The following PREX2 variants were observed in gnomAD, a reference collection of about 807,000 sequenced individuals.
PREX2 encodes phosphatidylinositol 3,4,5-trisphosphate-dependent Rac exchanger 2 protein.
PREX2 carries 107 observed loss-of-function variants against 203.2 expected under a neutral mutation model. The ratio of observed to expected loss-of-function variants is 0.53; its 90% confidence interval spans 0.45 to 0.62. The LOEUF (loss-of-function observed/expected upper bound fraction) is 0.62, where lower values mean the gene tolerates loss of function less well. Among genes scored for constraint, PREX2 ranks in the 20% least tolerant of loss-of-function variants. The pLI is 0.00. For missense variants in PREX2, 1,777 were observed against 1,955.9 expected, an observed-to-expected ratio of 0.91 and a Z score of 1.72; for synonymous variants, 672 against 663.6, an observed-to-expected ratio of 1.01 and a Z score of -0.19.
chr8:68,168,309 A>G (rs1415512569), intron 35 of PREX2, among the ~76,000 whole-genome samples: 2 of 152,146 alleles, frequency 1.3e-5, no homozygotes, highest in Non-Finnish European at 2.9e-5. Context: ...TACCAGTCAC[A>G]CTCCTGTGGA....
chr8:67,982,209 A>G (rs558990938), intron 1 of PREX2, among the ~76,000 whole-genome samples: 2 of 152,268 alleles, frequency 1.3e-5, no homozygotes, highest in South Asian at 2.1e-4. Context: ...AGGATCACTG[A>G]GGCCAGGAGT....
At chr8:68,028,622 C>CA (rs1302356324) in intron 5 of PREX2, among the ~76,000 whole-genome samples, 2 of 151,996 alleles carry the variant, frequency 1.3e-5, no homozygotes, top group African/African-American at 4.8e-5. Context: ...GAGAGGCTGA[C>CA]ACAGGAGTCC....
chr8:68,049,917 T>C (rs1454563545), intron 8 of PREX2, among the ~76,000 whole-genome samples: 2 of 152,068 alleles, frequency 1.3e-5, no homozygotes, highest in Admixed American at 1.3e-4. Flanking sequence ...CTATTATATG[T>C]CACTGTATCT....
intron 38 of PREX2, 77 bp downstream of exon 38, chr8:68,217,795 GT>G: frequency 1.0e-6 from 1 of 987,458 alleles, no homozygotes. Flanking sequence ...TTTATCAGGG[GT>G]TTGACAGGTG....
At chr8:68,109,931 T>C (rs2129612842) in intron 25 of PREX2, among the ~76,000 whole-genome samples, 1 of 152,308 alleles carries the variant, frequency 6.6e-6, no homozygotes, top group Admixed American at 6.5e-5. Flanking sequence ...GAATACCAGT[T>C]TTGTATGAGG....
At chr8:67,996,780 T>C (rs1202734111) in intron 1 of PREX2, among the ~76,000 whole-genome samples, 1 of 152,160 alleles carries the variant, frequency 6.6e-6, no homozygotes, top group Non-Finnish European at 1.5e-5. Context: ...CTTATACATA[T>C]ATGTCTATTG....
At chr8:68,017,196 C>A (rs1807431470) in intron 1 of PREX2, among the ~76,000 whole-genome samples, 1 of 151,996 alleles carries the variant, frequency 6.6e-6, no homozygotes, top group South Asian at 2.1e-4. Context: ...GAGTCCAAAT[C>A]TTTGAATTAC....
chr8:68,138,496 G>A lies in PREX2; in HGVS notation c.4066G>A (p.Glu1356Lys). 1 of 1,595,042 alleles carries A rather than the reference G, an allele frequency of 6.3e-7. No individual in the cohort carries two copies. Among genetic ancestry groups the A allele is most frequent in the South Asian group, 1.1e-5 (1 of 88,122 alleles). ...EKVSFYFKPS[E>K]EEPLVANVPL... ...GGTTTCCTTTTACTTTAAACCATCA[G>A]AAGAGGAACCTCTGGTTGCAAGTAA... is the stretch of plus-strand genomic sequence containing the variant. Residue 1356 changes from glutamate to lysine, a missense_variant, in exon 33 of 40, where the codon GAA (glutamate) becomes AAA (lysine). Transcript: ENST00000288368.
chr8:68,145,332 T>A (rs1005767427), intron 33 of PREX2, among the ~76,000 whole-genome samples: 11 of 152,254 alleles, frequency 7.2e-5, no homozygotes, highest in African/African-American at 2.6e-4. Flanking sequence ...ATTAAATAGA[T>A]AGATTTAATA....
chr8:68,171,437 A>G (rs1300968163), intron 35 of PREX2, among the ~76,000 whole-genome samples: 1 of 152,104 alleles, frequency 6.6e-6, no homozygotes, highest in Non-Finnish European at 1.5e-5. Flanking sequence ...TGTTCGTATG[A>G]TAGTGTATCT....
chr8:68,104,796 T>G (rs1810360572), intron 23 of PREX2, among the ~76,000 whole-genome samples: 1 of 152,176 alleles, frequency 6.6e-6, no homozygotes, highest in Admixed American at 6.6e-5. Context: ...ACAGAGAGCC[T>G]TCCACAAGTC....
At chr8:68,223,831 G>T (rs1813005218) in intron 38 of PREX2, among the ~76,000 whole-genome samples, 1 of 152,036 alleles carries the variant, frequency 6.6e-6, no homozygotes, top group Non-Finnish European at 1.5e-5. Flanking sequence ...AATTGCTTTA[G>T]AATTAGTTAA....
chr8:68,231,238 G>T (rs1030677025), intron 39 of PREX2, 95 bp from the exon 40 acceptor site: 8 of 887,756 alleles, frequency 9.0e-6, no homozygotes, highest in South Asian at 5.6e-5. Context: ...CACGAAACAA[G>T]AAATTATCAT....
intron 34 of PREX2, 128 bp from the exon 35 acceptor site, chr8:68,157,194 G>GT (rs924207034): frequency 1.5e-5 from 7 of 469,420 alleles, no homozygotes; most frequent in African/African-American, 8.0e-5. Context: ...ACCTAACATA[G>GT]TTTTTTTGCA....
At chr8:68,115,192 T>A (rs1810627688) in intron 25 of PREX2, among the ~76,000 whole-genome samples, 1 of 152,026 alleles carries the variant, frequency 6.6e-6, no homozygotes, top group South Asian at 2.1e-4. Context: ...CACGCCCGGC[T>A]AATTTTGTAT....
rs1418006656 is a variant in PREX2, at chr8:67,952,423, G to A, written c.29G>A (p.Arg10His). MSEDSRGDSRAESAKDLEKQ... is the reference protein window; with the variant it reads MSEDSRGDSHAESAKDLEKQ... ...AGCGAGGACAGCCGCGGAGACAGCCGCGCCGAGAGCGCCAAGGACCTGGAG... is the reference window on the plus strand; with the variant it reads ...AGCGAGGACAGCCGCGGAGACAGCCACGCCGAGAGCGCCAAGGACCTGGAG... The change falls in exon 1 of 40, where the codon CGC (arginine) becomes CAC (histidine). Residue 10 changes from arginine (R) to histidine (H), a missense_variant. Coordinates refer to ENST00000288368, the MANE Select transcript of PREX2 (RefSeq NM_024870.4). 4.4e-6 allele frequency: 7 copies of A among 1,573,900 alleles called. No individual in the cohort carries two copies. Among genetic ancestry groups the A allele is most frequent in the Non-Finnish European group, 6.0e-6 (7 of 1,160,976 alleles).
rs546614898 is a variant in PREX2 at position 68,018,107 on chromosome 8, G to C, written c.213+190G>C. Among the ~76,000 whole-genome samples the C allele has an allele frequency of 7.2e-5, 11 of 152,178 alleles. No individual in the cohort carries two copies. The South Asian group carries it at 2.1e-3, about 29-fold the overall frequency. On this transcript the variant is annotated intron_variant, in intron 2 of 39. Coordinates refer to ENST00000288368, the MANE Select transcript of PREX2 (RefSeq NM_024870.4). ...TAGGAAAAGAGATGGAAGATTAAGA[G>C]AATGGCAGAGAAGTCATAGAGTTGT... is the stretch of plus-strand genomic sequence containing the variant.
At chr8:68,192,749 A>C in intron 37 of PREX2, 1 of 405,146 alleles carries the variant, frequency 2.5e-6, no homozygotes, top group Non-Finnish European at 4.4e-6. Flanking sequence ...TGTGGCCCAA[A>C]ATCTTATCAT....
chr8:68,041,277 A>T (rs560320656), intron 7 of PREX2, among the ~76,000 whole-genome samples: 91 of 152,280 alleles, frequency 6.0e-4, no homozygotes, highest in African/African-American at 2.1e-3. Flanking sequence ...ATTGATTTAT[A>T]AGACAGACTT....
Sources: gnomAD v4.1 joint callset for allele counts (sites outside exome capture counted in the v4.1 genomes callset) on GRCh38, gnomAD v4.1.1 for gene constraint, MANE v1.5 for transcripts, NCBI Gene and HGNC (gene_info 2026-07-23, HGNC 2026-07-21) for gene names.